TAS2R1: variants seen among roughly 807,000 people sequenced by gnomAD.
TAS2R1 encodes taste receptor type 2 member 1.
For synonymous variants in TAS2R1, 141 were observed against 134.2 expected, an observed-to-expected ratio of 1.05 and a Z score of -0.35; for missense variants, 370 against 353.4, an observed-to-expected ratio of 1.05 and a Z score of -0.38.
chr5:9,713,958 A>G (rs1734755257), upstream of TAS2R1: 2 of 152,242 alleles, frequency 1.3e-5, no homozygotes, highest in African/African-American at 4.8e-5. Flanking sequence ...ATGCCAATAG[A>G]GTAATATCTT....
At chr5:9,676,425 A>G (rs78942516) in intron 1 of TAS2R1, among the ~76,000 whole-genome samples, 3,445 of 152,244 alleles carry the variant, frequency 0.023, 54 homozygotes, top group East Asian at 0.079. Context: ...TGAATTGAAT[A>G]TAACAGAAGG....
the TAS2R1 span, among the ~76,000 whole-genome samples, chr5:9,822,278 C>G: frequency 6.6e-6 from 1 of 151,850 alleles, no homozygotes; most frequent in African/African-American, 2.4e-5. Flanking sequence ...CTTCCCTGAC[C>G]CCCCATTTAT....
the TAS2R1 span, among the ~76,000 whole-genome samples, chr5:9,722,180 C>T: frequency 6.6e-6 from 1 of 152,280 alleles, no homozygotes; most frequent in Non-Finnish European, 1.5e-5. Context: ...ATCCAACAGC[C>T]CAGGAGGAAC....
chr5:9,732,669 A>G, the TAS2R1 span, among the ~76,000 whole-genome samples: 1 of 152,222 alleles, frequency 6.6e-6, no homozygotes, highest in African/African-American at 2.4e-5. Context: ...GCAAATATGT[A>G]GAGATAAATA....
chr5:9,869,174 T>C, the TAS2R1 span, among the ~76,000 whole-genome samples: 3 of 152,212 alleles, frequency 2.0e-5, no homozygotes, highest in African/African-American at 7.2e-5. Flanking sequence ...ATTTTGGGTA[T>C]CTTTACAGCA....
chr5:9,872,041 T>C, the TAS2R1 span, among the ~76,000 whole-genome samples: 1 of 151,962 alleles, frequency 6.6e-6, no homozygotes, highest in Non-Finnish European at 1.5e-5. Flanking sequence ...AAGTTATATA[T>C]GGGCATAAAT....
chr5:9,795,494 GA>G, the TAS2R1 span, among the ~76,000 whole-genome samples: 13 of 147,800 alleles, frequency 8.8e-5, no homozygotes, highest in Middle Eastern at 3.4e-3. Context: ...CTACCTCCAA[GA>G]AAAAAAAAAG....
intron 2 of TAS2R1, chr5:9,630,008 AG>A (rs1561364031): frequency 6.3e-7 from 1 of 1,583,988 alleles, no homozygotes; most frequent in East Asian, 2.2e-5. Context: ...AGAAGAAAAT[AG>A]ATAATGAGGT....
chr5:9,809,525 C>T, the TAS2R1 span, among the ~76,000 whole-genome samples: 3 of 151,956 alleles, frequency 2.0e-5, no homozygotes. Flanking sequence ...ATCTGCAAGC[C>T]AGGAAGAGGG....
At chr5:9,899,935 GT>G in the TAS2R1 span, among the ~76,000 whole-genome samples, 2 of 152,134 alleles carry the variant, frequency 1.3e-5, no homozygotes, top group South Asian at 2.1e-4. Flanking sequence ...GTTGTTCCCA[GT>G]TTTTTTCTAT....
At chr5:9,633,537 G>A (rs1739916376), upstream of TAS2R1, among the ~76,000 whole-genome samples, 1 of 151,686 alleles carries the variant, frequency 6.6e-6, no homozygotes, top group Non-Finnish European at 1.5e-5. Flanking sequence ...GTTTTTCACA[G>A]TGGTTGTACT....
chr5:9,759,679 A>G, the TAS2R1 span, among the ~76,000 whole-genome samples: 1 of 152,234 alleles, frequency 6.6e-6, no homozygotes, highest in Non-Finnish European at 1.5e-5. Context: ...GGTGATCTAC[A>G]TTACAAGTTG....
chr5:9,674,624 T>C (rs11750185), intron 1 of TAS2R1, among the ~76,000 whole-genome samples: 23,939 of 152,134 alleles, frequency 0.16, 2,153 homozygotes, highest in Admixed American at 0.27. Flanking sequence ...ATATATGTAA[T>C]TGTATTTAAT....
At chr5:9,793,988 C>T in the TAS2R1 span, among the ~76,000 whole-genome samples, 4 of 152,124 alleles carry the variant, frequency 2.6e-5, no homozygotes, top group African/African-American at 7.2e-5. Flanking sequence ...AATAATGAAG[C>T]AAAACTAACC....
chr5:9,853,619 C>A, the TAS2R1 span, among the ~76,000 whole-genome samples: 6 of 152,078 alleles, frequency 3.9e-5, no homozygotes, highest in East Asian at 1.2e-3. Context: ...AGAGTCAAGT[C>A]CCACCTCCTA....
At chr5:9,771,556 T>C in the TAS2R1 span, among the ~76,000 whole-genome samples, 1 of 152,164 alleles carries the variant, frequency 6.6e-6, no homozygotes, top group Non-Finnish European at 1.5e-5. Context: ...TATTCTTTCC[T>C]CCTCTTTTTT....
At chr5:9,812,687 G>A in the TAS2R1 span, among the ~76,000 whole-genome samples, 11 of 152,150 alleles carry the variant, frequency 7.2e-5, no homozygotes, top group Admixed American at 7.2e-4. Flanking sequence ...TAGAATAGGG[G>A]GCCAGGAACT....
chr5:9,781,659 C>T, the TAS2R1 span, among the ~76,000 whole-genome samples: 5 of 152,218 alleles, frequency 3.3e-5, no homozygotes, highest in Admixed American at 1.3e-4. Context: ...TCCCTGTGTT[C>T]CCAAAAGACA....
the TAS2R1 span, among the ~76,000 whole-genome samples, chr5:9,726,774 G>C: frequency 6.6e-6 from 1 of 152,200 alleles, no homozygotes; most frequent in Admixed American, 6.5e-5. Context: ...TGAGGATGAT[G>C]GCTTATGGAT....
Sources: gnomAD v4.1 joint callset for allele counts (sites outside exome capture counted in the v4.1 genomes callset) on GRCh38, gnomAD v4.1.1 for gene constraint, MANE v1.5 for transcripts, NCBI Gene and HGNC (gene_info 2026-07-23, HGNC 2026-07-21) for gene names.